BMPR1A: variants seen among roughly 807,000 people sequenced by gnomAD.
The protein encoded by BMPR1A is bone morphogenetic protein receptor type-1A.
Under a neutral mutation model 66.0 loss-of-function variants are expected in BMPR1A, and 7 were observed. The observed-to-expected ratio is 0.11, with a 90% CI of 0.06 to 0.20. BMPR1A has a LOEUF of 0.20. Among genes scored for constraint, BMPR1A ranks in the 10% least tolerant of loss-of-function variants. The pLI is 1.00. For missense variants in BMPR1A, 408 were observed against 669.1 expected (o/e 0.61, Z 4.31); for synonymous variants, 200 against 229.7 (o/e 0.87, Z 1.17).
rs753694209 is a variant in BMPR1A, at chr10:86,923,398, G to T, written c.1365G>T (p.Leu455Phe). Reference protein sequence around the residue: ...ITGGIVEEYQLPYYNMVPSDP... With the variant: ...ITGGIVEEYQFPYYNMVPSDP... The stretch of plus-strand genomic sequence containing the variant: ...TAGGGATCGTGGAAGAATACCAATT[G>T]CCATATTACAACATGGTACCGAGTG... Residue 455 changes from leucine (L) to phenylalanine (F), a missense_variant, in exon 12 of 13, where the codon TTG becomes TTT. Coordinates refer to ENST00000372037, the MANE Select transcript of BMPR1A (RefSeq NM_004329.3). 5 of 1,614,014 alleles carry T rather than the reference G, an allele frequency of 3.1e-6. No homozygotes were observed. The highest frequency in any genetic ancestry group is 4.2e-6 in the Non-Finnish European group (5 of 1,180,024).
At chr10:86,757,146 C>T (rs1250936251) in intron 1 of BMPR1A, among the ~76,000 whole-genome samples, 2 of 151,934 alleles carry the variant, frequency 1.3e-5, no homozygotes, top group Non-Finnish European at 2.9e-5. Context: ...TCTTTTGTCT[C>T]CCACTCGCGG....
intron 1 of BMPR1A, among the ~76,000 whole-genome samples, chr10:86,821,593 A>C (rs1340053543): frequency 6.6e-6 from 1 of 152,146 alleles, no homozygotes. Context: ...AAGGCTGTAC[A>C]GGAGACCATT....
chr10:86,859,499 T>G (rs1279257270), intron 2 of BMPR1A, among the ~76,000 whole-genome samples: 1 of 152,052 alleles, frequency 6.6e-6, no homozygotes, highest in African/African-American at 2.4e-5. Flanking sequence ...CATGTTTGCC[T>G]GCAATATGAA....
chr10:86,825,080 C>T (rs59534547), intron 1 of BMPR1A, among the ~76,000 whole-genome samples: 3 of 144,408 alleles, frequency 2.1e-5, no homozygotes, highest in Admixed American at 6.9e-5. Context: ...AAATGACATT[C>T]TTTTTTTTTT....
At chr10:86,847,935 C>CTTT (rs757764095) in intron 2 of BMPR1A, among the ~76,000 whole-genome samples, 1 of 142,796 alleles carries the variant, frequency 7.0e-6, no homozygotes, top group Non-Finnish European at 1.5e-5. Flanking sequence ...GAAAATGATA[C>CTTT]TTTTTTTTTT....
intron 1 of BMPR1A, among the ~76,000 whole-genome samples, chr10:86,822,484 A>T (rs1842133218): frequency 1.3e-5 from 2 of 152,294 alleles, no homozygotes; most frequent in Non-Finnish European, 2.9e-5. Flanking sequence ...TTTGGGAAGA[A>T]AACGTATGGC....
At chr10:86,837,404 A>T (rs1404253029) in intron 1 of BMPR1A, among the ~76,000 whole-genome samples, 1 of 152,090 alleles carries the variant, frequency 6.6e-6, no homozygotes, top group Non-Finnish European at 1.5e-5. Flanking sequence ...ACTTTGATGG[A>T]CTGTTTTTAC....
intron 2 of BMPR1A, among the ~76,000 whole-genome samples, chr10:86,873,176 A>G (rs1440873711): frequency 6.6e-6 from 1 of 152,182 alleles, no homozygotes; most frequent in African/African-American, 2.4e-5. Context: ...TGACAATGAA[A>G]GATGTAACAA....
chr10:86,789,812 T>C (rs1274023925), intron 1 of BMPR1A, among the ~76,000 whole-genome samples: 1 of 150,882 alleles, frequency 6.6e-6, no homozygotes, highest in Non-Finnish European at 1.5e-5. Context: ...CCAAAGAAGA[T>C]GTACAAATGG....
chr10:86,852,275 T>C (rs1414424303), intron 2 of BMPR1A, among the ~76,000 whole-genome samples: 1 of 152,162 alleles, frequency 6.6e-6, no homozygotes, highest in African/African-American at 2.4e-5. Flanking sequence ...ACTGTACACA[T>C]TGGGAAATTT....
At chr10:86,864,006 A>G (rs1179174837) in intron 2 of BMPR1A, among the ~76,000 whole-genome samples, 1 of 152,190 alleles carries the variant, frequency 6.6e-6, no homozygotes. Flanking sequence ...GATCAAGATA[A>G]TTTTTCTTCT....
At chr10:86,772,507 CATAATT>C (rs991238602) in intron 1 of BMPR1A, among the ~76,000 whole-genome samples, 1 of 152,006 alleles carries the variant, frequency 6.6e-6, no homozygotes, top group African/African-American at 2.4e-5. Flanking sequence ...GCTTGCATAA[CATAATT>C]ATGTTATTTG....
chr10:86,832,209 T>C (rs959787229), intron 1 of BMPR1A, among the ~76,000 whole-genome samples: 3 of 152,176 alleles, frequency 2.0e-5, no homozygotes. Flanking sequence ...GGCTCATACC[T>C]GTAATCCCAG....
chr10:86,807,210 AT>A (rs1206025660), intron 1 of BMPR1A, among the ~76,000 whole-genome samples: 1 of 152,188 alleles, frequency 6.6e-6, no homozygotes, highest in Admixed American at 6.5e-5. Flanking sequence ...TATCTTTAAA[AT>A]CATTTTTAGT....
At chr10:86,836,385 T>G (rs1469181974) in intron 1 of BMPR1A, among the ~76,000 whole-genome samples, 1 of 152,252 alleles carries the variant, frequency 6.6e-6, no homozygotes, top group Non-Finnish European at 1.5e-5. Context: ...CTGTGTCTTT[T>G]GTTTACCTCT....
intron 2 of BMPR1A, among the ~76,000 whole-genome samples, chr10:86,859,535 A>G (rs1842686326): frequency 6.6e-6 from 1 of 152,116 alleles, no homozygotes; most frequent in African/African-American, 2.4e-5. Context: ...ATTGAAAAGA[A>G]GAGACCGGAA....
chr10:86,756,584 G>C (rs1055784232), upstream of BMPR1A: 6 of 150,476 alleles, frequency 4.0e-5, no homozygotes, highest in Non-Finnish European at 7.4e-5. Context: ...CCTCCCCCAG[G>C]CCCCCGCACC....
rs767385418 is a variant in BMPR1A at position 86,899,873 on chromosome 10, T to G, written c.413T>G (p.Leu138Arg). ...TGTAACCAGTATTTGCAACCCACAC[T>G]GCCCCCTGTTGTCATAGGTAGGTTA... is the stretch of plus-strand genomic sequence containing the variant. ...NLCNQYLQPT[L>R]PPVVIGPFFD... The change falls in exon 6 of 13, where the codon CTG becomes CGG. Residue 138 changes from leucine (L) to arginine (R), a missense_variant. Physicochemically the swap from Leu to Arg is moderately radical, Grantham distance 102. This residue lies in a region of BMPR1A where 174 missense variants were observed against 265.1 expected (regional missense o/e 0.66). Coordinates refer to ENST00000372037, the MANE Select transcript of BMPR1A (RefSeq NM_004329.3). 1.2e-6 allele frequency: 2 copies of G among 1,614,184 alleles called. No individual in the cohort carries two copies. The highest frequency in any genetic ancestry group is 1.7e-6 in the Non-Finnish European group (2 of 1,179,974).
chr10:86,824,112 T>TGTGTGTGTGTGTGTGTGTGTGTGTGTG (rs1564695887), intron 1 of BMPR1A, among the ~76,000 whole-genome samples: 2 of 151,736 alleles, frequency 1.3e-5, no homozygotes, highest in African/African-American at 4.8e-5. Flanking sequence ...TGTGTGTGTG[T>TGTGTGTGTGTGTGTGTGTGTGTGTGTG]TTCTTTCAGT....
Sources: allele counts gnomAD v4.1 joint callset (sites outside exome capture counted in the v4.1 genomes callset), GRCh38; gene constraint gnomAD v4.1.1; regional missense constraint gnomAD v4.1.1; transcripts MANE v1.5; gene names NCBI Gene and HGNC (gene_info 2026-07-23, HGNC 2026-07-21).